TAOK3: variants seen among roughly 807,000 people sequenced by gnomAD.
TAOK3 encodes the protein serine/threonine-protein kinase TAO3.
Under a neutral mutation model 120.4 loss-of-function variants are expected in TAOK3, and 40 were observed. That is an observed-to-expected ratio of 0.33 (90% CI 0.26 to 0.43). The LOEUF (loss-of-function observed/expected upper bound fraction) is 0.43, where lower values mean the gene tolerates loss of function less well. TAOK3 is among the 20% of genes least tolerant of loss of function. The pLI, the probability that TAOK3 is intolerant of heterozygous loss-of-function variation, is 1.00. For synonymous variants in TAOK3, 355 were observed against 387.5 expected, an observed-to-expected ratio of 0.92 and a Z score of 0.99; for missense variants, 821 against 1,112.1, an observed-to-expected ratio of 0.74 and a Z score of 3.72.
intron 15 of TAOK3, among the ~76,000 whole-genome samples, chr12:118,179,661 T>C (rs1593057887): frequency 6.6e-6 from 1 of 151,282 alleles, no homozygotes; most frequent in African/African-American, 2.4e-5. Flanking sequence ...TTTTTTTTTT[T>C]CAGTCGGAGT....
intron 9 of TAOK3, among the ~76,000 whole-genome samples, chr12:118,228,342 G>A (rs999177595): frequency 1.3e-5 from 2 of 151,862 alleles, no homozygotes; most frequent in Admixed American, 6.6e-5. Context: ...AGTAGAGATG[G>A]GGTTTCGGCA....
At chr12:118,359,191 C>T (rs1375374065) in intron 1 of TAOK3, 1 of 152,114 alleles carries the variant, frequency 6.6e-6, no homozygotes, top group Non-Finnish European at 1.5e-5. Flanking sequence ...AGACAGCTAA[C>T]GTCAACAGCA....
intron 1 of TAOK3, among the ~76,000 whole-genome samples, chr12:118,304,080 A>G (rs899455032): frequency 1.3e-5 from 2 of 152,244 alleles, no homozygotes; most frequent in African/African-American, 4.8e-5. Flanking sequence ...CAGTGAAGTC[A>G]TTATCTATAC....
chr12:118,213,076 G>A (rs2038711317), intron 10 of TAOK3, 81 bp from the exon 11 acceptor site: 1 of 862,144 alleles, frequency 1.2e-6, no homozygotes, highest in Non-Finnish European at 1.6e-6. Flanking sequence ...TTCATTCAAG[G>A]GAAAATTTTG....
intron 2 of TAOK3, among the ~76,000 whole-genome samples, chr12:118,259,525 G>C (rs1381514758): frequency 6.6e-6 from 1 of 152,120 alleles, no homozygotes; most frequent in Non-Finnish European, 1.5e-5. Flanking sequence ...AGGCAGCAGA[G>C]TAAGACCCTA....
chr12:118,299,785 C>T (rs1269548062), intron 1 of TAOK3, among the ~76,000 whole-genome samples: 4 of 152,058 alleles, frequency 2.6e-5, no homozygotes, highest in Non-Finnish European at 5.9e-5. Context: ...GCTGGAATTA[C>T]AGGCGTGAGC....
Position 118,151,263 on chromosome 12 carries a change from GGCAC to G in TAOK3, c.2536-109_2536-106del, listed in dbSNP as rs772774834. ...CACATATGACATGCACACACACATA[GGCAC>G]ACACATGAAGTGCGCGCGCGCGCAC... On this transcript the variant is annotated intron_variant, in intron 20 of 20. Coordinates refer to ENST00000392533, the MANE Select transcript of TAOK3 (RefSeq NM_016281.4). 1,063 of 1,178,604 alleles carry G rather than the reference GGCAC, an allele frequency of 9.0e-4. 2 individuals are homozygous for G. Among genetic ancestry groups the G allele is most frequent in the Non-Finnish European group, 9.3e-4 (777 of 838,840 alleles). The allele number at this position is 1,178,604 out of a possible 1,614,324, so 73.0% of individuals were successfully genotyped here. A position where few individuals can be genotyped will look rare whatever the true frequency, so the allele number is the denominator to read the frequency against.
intron 1 of TAOK3, among the ~76,000 whole-genome samples, chr12:118,350,597 G>T (rs182143311): frequency 6.8e-4 from 103 of 152,212 alleles, no homozygotes; most frequent in African/African-American, 2.5e-3. Flanking sequence ...GGTGACTCAC[G>T]CCTGTAATCC....
chr12:118,162,414 T>C (rs1184490687), intron 17 of TAOK3, among the ~76,000 whole-genome samples: 1 of 152,136 alleles, frequency 6.6e-6, no homozygotes, highest in African/African-American at 2.4e-5. Flanking sequence ...ATAAAAATCA[T>C]GTGAGGAAAC....
At chr12:118,262,243 G>T (rs1360004882) in intron 2 of TAOK3, among the ~76,000 whole-genome samples, 2 of 152,046 alleles carry the variant, frequency 1.3e-5, no homozygotes, top group Non-Finnish European at 2.9e-5. Flanking sequence ...TAGCACTTTG[G>T]GTGGCCGAGG....
intron 1 of TAOK3, among the ~76,000 whole-genome samples, chr12:118,306,119 G>A (rs1023504195): frequency 6.6e-6 from 1 of 151,954 alleles, no homozygotes; most frequent in South Asian, 2.1e-4. Context: ...CTTAAAGCTC[G>A]ACCACTGCTG....
At chr12:118,251,357 G>T (rs2040742559) in intron 3 of TAOK3, among the ~76,000 whole-genome samples, 1 of 152,162 alleles carries the variant, frequency 6.6e-6, no homozygotes, top group Non-Finnish European at 1.5e-5. Context: ...ACAGATAAAA[G>T]GTTAAAGCTT....
intron 3 of TAOK3, among the ~76,000 whole-genome samples, chr12:118,252,487 T>G (rs983652113): frequency 6.6e-6 from 1 of 152,110 alleles, no homozygotes; most frequent in East Asian, 1.9e-4. Flanking sequence ...AGTATTGTAT[T>G]TCTTGATCTG....
At chr12:118,336,581 G>GA (rs531962450) in intron 1 of TAOK3, among the ~76,000 whole-genome samples, 101 of 150,140 alleles carry the variant, frequency 6.7e-4, no homozygotes, top group African/African-American at 2.1e-3. Context: ...CTCAGGGAAA[G>GA]AAAAAAAAAT....
Position 118,255,676 on chromosome 12 carries a change from C to T in TAOK3, c.-88-21G>A, listed in dbSNP as rs78193648. 8.2e-3 allele frequency: 9,703 copies of T among 1,181,244 alleles called. 344 individuals are homozygous for T. In the African/African-American group the frequency reaches 0.096, roughly 12 times the overall value. 73.2% of individuals were successfully genotyped at this position (1,181,244 alleles called of 1,614,324 possible). ...AGTACCTGTAGAAAAATAAGGTTTGCCATTAAATTATTTCTAACACATTTT... is the reference window on the plus strand; with the variant it reads ...AGTACCTGTAGAAAAATAAGGTTTGTCATTAAATTATTTCTAACACATTTT... On this transcript the variant is annotated intron_variant, in intron 2 of 20. Coordinates refer to ENST00000392533, the MANE Select transcript of TAOK3 (RefSeq NM_016281.4).
At chr12:118,225,853 T>C (rs1410688687) in intron 9 of TAOK3, among the ~76,000 whole-genome samples, 1 of 150,730 alleles carries the variant, frequency 6.6e-6, no homozygotes, top group African/African-American at 2.4e-5. Flanking sequence ...ATAGTTACTA[T>C]TTTTTTTTGT....
intron 1 of TAOK3, among the ~76,000 whole-genome samples, chr12:118,350,157 C>T (rs1385661964): frequency 2.6e-5 from 4 of 152,146 alleles, no homozygotes; most frequent in Non-Finnish European, 4.4e-5. Context: ...GTTATCTAAC[C>T]AGCTTTTGTA....
chr12:118,278,057 A>G (rs185360127), intron 1 of TAOK3, among the ~76,000 whole-genome samples: 85 of 152,258 alleles, frequency 5.6e-4, no homozygotes, highest in Admixed American at 2.1e-3. Context: ...CCACTGAGCA[A>G]GTCAAACCTG....
chr12:118,261,893 C>T (rs2041245715), intron 2 of TAOK3, among the ~76,000 whole-genome samples: 2 of 152,046 alleles, frequency 1.3e-5, no homozygotes, highest in Non-Finnish European at 2.9e-5. Context: ...TTACTCTGCC[C>T]TCTGTCACCT....
Sources: allele counts gnomAD v4.1 joint callset (sites outside exome capture counted in the v4.1 genomes callset), GRCh38; gene constraint gnomAD v4.1.1; transcripts MANE v1.5; gene names NCBI Gene and HGNC (gene_info 2026-07-23, HGNC 2026-07-21).